The following PCDHGB4 variants were observed in gnomAD, a reference collection of about 807,000 sequenced individuals.
PCDHGB4 encodes protocadherin gamma subfamily B, 4, also known as protocadherin gamma-B4.
Under a neutral mutation model 60.5 loss-of-function variants are expected in PCDHGB4, and 38 were observed. That is an observed-to-expected ratio of 0.63 (90% CI 0.48 to 0.82). PCDHGB4 has a LOEUF of 0.82. Among genes scored for constraint, PCDHGB4 ranks in the 40% least tolerant of loss-of-function variants. PCDHGB4 has a pLI of 0.00. For synonymous variants in PCDHGB4, 456 were observed against 509.7 expected (o/e 0.89, Z 1.42); for missense variants, 1,109 against 1,209.6 (o/e 0.92, Z 1.23).
chr5:141,395,422 G>T, intron 1 of PCDHGB4: 1 of 728,826 alleles, frequency 1.4e-6, no homozygotes, highest in Non-Finnish European at 2.1e-6. Flanking sequence ...TGTTTCATTT[G>T]CTTTTAAACG....
At chr5:141,418,481 C>G (rs1438009750) in intron 1 of PCDHGB4, 1 of 1,614,006 alleles carries the variant, frequency 6.2e-7, no homozygotes, top group Admixed American at 1.7e-5. Context: ...GCAGAGCGCT[C>G]ACCACTTGGT....
chr5:141,393,071 C>T (rs927273885), intron 1 of PCDHGB4: 3 of 1,613,680 alleles, frequency 1.9e-6, no homozygotes, highest in Non-Finnish European at 2.5e-6. Context: ...GCTTGATCAC[C>T]GCGGGCAGGA....
chr5:141,410,553 C>T, intron 1 of PCDHGB4: 1 of 1,613,232 alleles, frequency 6.2e-7, no homozygotes. Context: ...TGCAGTGTTT[C>T]TCCTGGAGCC....
Position 141,486,274 on chromosome 5 carries a change from T to A in PCDHGB4, c.2398-8533T>A. On this transcript the variant is annotated intron_variant, in intron 1 of 3. Coordinates refer to ENST00000519479, the MANE Select transcript of PCDHGB4 (RefSeq NM_003736.4). The surrounding 1 kb of genome is among the most constrained non-coding windows in gnomAD (Gnocchi z 5.0). ...TCCCCGAGAGTGCAGAACCTGGCAC[T>A]GTGGTGGCACTTATCAGTGTGCAGG... is the stretch of plus-strand genomic sequence containing the variant. 5 of 1,614,064 alleles carry A rather than the reference T, an allele frequency of 3.1e-6. No homozygotes were observed. The highest frequency in any genetic ancestry group is 4.2e-6 in the Non-Finnish European group (5 of 1,179,998).
In PCDHGB4 at chr5:141,490,390, G is replaced by C. The variant is rs2099699651; in HGVS notation, c.2398-4417G>C. The C allele has an allele frequency of 6.2e-7, 1 of 1,614,074 alleles. No individual in the cohort carries two copies. The highest frequency in any genetic ancestry group is 8.5e-7 in the Non-Finnish European group (1 of 1,180,040). On this transcript the variant is annotated intron_variant, in intron 1 of 3. Coordinates refer to ENST00000519479, the MANE Select transcript of PCDHGB4 (RefSeq NM_003736.4). This position sits in a 1 kb window ranked among gnomAD's most constrained non-coding sequence, Gnocchi z 5.4. ...AGACCGGGACTCAGGTAGAAATGGT[G>C]AAGTGAGCCTTGATATCTCTCCGGA... is the stretch of plus-strand genomic sequence containing the variant.
intron 1 of PCDHGB4, chr5:141,415,715 T>A: frequency 7.0e-7 from 1 of 1,428,190 alleles, no homozygotes; most frequent in Non-Finnish European, 9.3e-7. Flanking sequence ...AAAACACTGA[T>A]GAGTAGAATT....
At chr5:141,444,864 A>G (rs1304165078) in intron 1 of PCDHGB4, among the ~76,000 whole-genome samples, 1 of 152,210 alleles carries the variant, frequency 6.6e-6, no homozygotes, top group African/African-American at 2.4e-5. Context: ...GTCTTACTAC[A>G]GGACAAAGCT....
In PCDHGB4 at chr5:141,486,005, A is replaced by G. The variant is rs1057476811; in HGVS notation, c.2398-8802A>G. On this transcript the variant is annotated intron_variant, in intron 1 of 3. Transcript: ENST00000519479. This position sits in a 1 kb window ranked among gnomAD's most constrained non-coding sequence, Gnocchi z 5.0. Reference sequence around the variant, plus strand: ...GGACCTGGGTCCCAGTGGTAACGTCACCTTTTATTTCAGTGGTCATACCCC... The same window carrying G: ...GGACCTGGGTCCCAGTGGTAACGTCGCCTTTTATTTCAGTGGTCATACCCC... 1.9e-6 allele frequency: 3 copies of G among 1,613,936 alleles called. No homozygotes were observed. The Admixed American group carries it at 5.0e-5, about 27-fold the overall frequency.
At chr5:141,406,940 A>C (rs2094868445) in intron 1 of PCDHGB4, among the ~76,000 whole-genome samples, 1 of 152,212 alleles carries the variant, frequency 6.6e-6, no homozygotes, top group African/African-American at 2.4e-5. Context: ...ATTTAATGTT[A>C]TTTTAAACAT....
chr5:141,445,035 T>C (rs1438748354), intron 1 of PCDHGB4, among the ~76,000 whole-genome samples: 1 of 152,208 alleles, frequency 6.6e-6, no homozygotes, highest in Admixed American at 6.5e-5. Flanking sequence ...CTATGTTGTA[T>C]AGTTTTCAGT....
intron 1 of PCDHGB4, among the ~76,000 whole-genome samples, chr5:141,402,165 T>A (rs1200714000): frequency 6.6e-6 from 1 of 152,164 alleles, no homozygotes; most frequent in Non-Finnish European, 1.5e-5. Context: ...GGCGAGAACA[T>A]CTGTAACTAT....
intron 1 of PCDHGB4, among the ~76,000 whole-genome samples, chr5:141,445,937 A>C (rs2098482193): frequency 6.6e-6 from 1 of 152,202 alleles, no homozygotes; most frequent in African/African-American, 2.4e-5. Flanking sequence ...TGAATTATTA[A>C]GCTTACTCTG....
chr5:141,420,076 T>TC, intron 1 of PCDHGB4: 1 of 1,613,956 alleles, frequency 6.2e-7, no homozygotes, highest in Non-Finnish European at 8.5e-7. Context: ...GACCTGTGGG[T>TC]CCCCCCAACT....
At chr5:141,408,712 T>C in intron 1 of PCDHGB4, 2 of 1,612,332 alleles carry the variant, frequency 1.2e-6, no homozygotes, top group Non-Finnish European at 1.7e-6. Flanking sequence ...TTAAAGATTA[T>C]AAGATAAACT....
At chr5:141,465,867 A>G (rs1049493106) in intron 1 of PCDHGB4, among the ~76,000 whole-genome samples, 5 of 152,040 alleles carry the variant, frequency 3.3e-5, no homozygotes, top group African/African-American at 9.7e-5. Context: ...TCATGCCTGT[A>G]ATCCCAGCAC....
Position 141,454,981 on chromosome 5 carries a change from A to T in PCDHGB4, c.2398-39826A>T, listed in dbSNP as rs528657512. 9.9e-3 allele frequency among the ~76,000 whole-genome samples: 1,486 copies of T among 150,680 alleles called. 32 individuals carry two copies. Among genetic ancestry groups the T allele is most frequent in the African/African-American group, 0.034 (1,392 of 41,092 alleles). On this transcript the variant is annotated intron_variant, in intron 1 of 3. Coordinates refer to ENST00000519479, the MANE Select transcript of PCDHGB4 (RefSeq NM_003736.4). ...GGCCACCACGCCTGGCTAATTTTTTAAAAAATATTTTTAGTAGAGACGGGG... is the reference window on the plus strand; with the variant it reads ...GGCCACCACGCCTGGCTAATTTTTTTAAAAATATTTTTAGTAGAGACGGGG...
chr5:141,476,733 G>C lies in PCDHGB4; in HGVS notation c.2398-18074G>C, dbSNP rs373439335. On this transcript the variant is annotated intron_variant, in intron 1 of 3. Transcript: ENST00000519479. This position sits in a 1 kb window ranked among gnomAD's most constrained non-coding sequence, Gnocchi z 7.6. ...TTGGAGCGCGCCCTGGACCGAGAAC[G>C]GGAGCCTAGTCTCCAGTTAGTGCTG... 6.2e-6 allele frequency: 10 copies of C among 1,614,062 alleles called. No individual in the cohort carries two copies. The highest frequency in any genetic ancestry group is 2.2e-5 in the East Asian group (1 of 44,870).
chr5:141,412,847 A>G (rs1206334568), intron 1 of PCDHGB4: 1 of 213,282 alleles, frequency 4.7e-6, no homozygotes, highest in Non-Finnish European at 9.1e-6. Flanking sequence ...AGGAGTGGAG[A>G]AACCAAAGAA....
At chr5:141,428,293 C>G (rs1278634119) in intron 1 of PCDHGB4, 1 of 716,436 alleles carries the variant, frequency 1.4e-6, no homozygotes, top group South Asian at 1.6e-5. Flanking sequence ...AGCAAAGCTG[C>G]AGATTTACCT....
Sources: gnomAD v4.1 joint callset for allele counts (sites outside exome capture counted in the v4.1 genomes callset) on GRCh38, gnomAD v4.1.1 for gene constraint, Gnocchi (gnomAD v3.1) non-coding constraint, MANE v1.5 for transcripts, NCBI Gene and HGNC (gene_info 2026-07-23, HGNC 2026-07-21) for gene names.